Variants in OR4E2 observed in about 807,000 individuals in gnomAD.
The protein encoded by OR4E2 is olfactory receptor 4E2.
In OR4E2, 9 loss-of-function variants were observed where a neutral mutation model predicts 11.0. The observed-to-expected ratio is 0.82, with a 90% CI of 0.49 to 1.43. The LOEUF (loss-of-function observed/expected upper bound fraction) is 1.43, where lower values mean the gene tolerates loss of function less well. Ranked by LOEUF, OR4E2 falls within the 40% of genes most tolerant of loss-of-function variation. The pLI, the probability that OR4E2 is intolerant of heterozygous loss-of-function variation, is 0.00. For synonymous variants in OR4E2, 159 were observed against 147.3 expected (o/e 1.08, Z -0.57); for missense variants, 441 against 382.0 (o/e 1.15, Z -1.29).
chr14:21,657,390 CTTT>C (rs1293494441), intron 2 of OR4E2, among the ~76,000 whole-genome samples: 29 of 121,444 alleles, frequency 2.4e-4, no homozygotes, highest in African/African-American at 4.9e-4. Flanking sequence ...TCCTTCCTTT[CTTT>C]CTTCCTTCCT....
chr14:21,665,672 T>C lies in OR4E2; in HGVS notation c.590T>C (p.Ile197Thr), dbSNP rs372254597. Residue 197 changes from isoleucine (I) to threonine (T), a missense_variant, in exon 4 of 4, where the codon ATA (isoleucine) becomes ACA (threonine). By Grantham distance (89) the Ile-to-Thr change is moderately conservative. Transcript: ENST00000641524. ...TGCACAGATACATACCTCACAGGAA[T>C]ACTGATTGTGACCAATAGTGGAACC... The part of the protein sequence containing the change: ...LACTDTYLTG[I>T]LIVTNSGTIS... 1.9e-6 allele frequency: 3 copies of C among 1,614,044 alleles called. No homozygotes were observed. Among genetic ancestry groups the C allele is most frequent in the African/African-American group, 2.7e-5 (2 of 74,928 alleles).
Position 21,665,613 on chromosome 14 carries a change from C to G in OR4E2, c.531C>G (p.Tyr177Ter). 4.3e-6 allele frequency: 7 copies of G among 1,614,118 alleles called. No individual in the cohort carries two copies. The highest frequency in any genetic ancestry group is 5.9e-6 in the Non-Finnish European group (7 of 1,179,994). The change falls in exon 4 of 4, where the codon TAC becomes TAG. Residue 177 changes from tyrosine (Y) to a stop codon, truncating the protein, a stop_gained. Coordinates refer to ENST00000641524, the MANE Select transcript of OR4E2 (RefSeq NM_001001912.3). LOFTEE classifies it high-confidence loss of function. ...PYCGPNIIDS[Y>*]FCDVPLVIKL... The stretch of plus-strand genomic sequence containing the variant: ...GTGGCCCCAACATTATTGACAGCTA[C>G]TTCTGTGATGTGCCTCTTGTTATCA...
Position 21,665,998 on chromosome 14 carries a change from G to A in OR4E2, c.916G>A (p.Val306Ile), listed in dbSNP as rs1454178293. Residue 306 changes from valine to isoleucine, a missense_variant, in exon 4 of 4, where the codon GTT (valine) becomes ATT (isoleucine). Transcript: ENST00000641524. ...SAMKQLRQRQ[V>I]FFTKSYT ...CATGAAGCAGCTCAGGCAGAGACAA[G>A]TTTTTTTCACGAAATCATATACATA... The A allele has an allele frequency of 5.0e-6, 8 of 1,613,028 alleles. No homozygotes were observed. Among genetic ancestry groups the A allele is most frequent in the South Asian group, 1.1e-5 (1 of 90,980 alleles).
chr14:21,657,440 T>TC, intron 2 of OR4E2, among the ~76,000 whole-genome samples: 1 of 76,366 alleles, frequency 1.3e-5, no homozygotes, highest in Non-Finnish European at 2.6e-5. Context: ...TTCTTCTTTC[T>TC]TTCCTTCCTT....
rs1880706054 is a variant in OR4E2 at position 21,667,470 on chromosome 14, A to C, written c.*1446A>C. ...TTCATTAAACTGAGAGATGCTCATG[A>C]AAATATCTAAATATCATTACTTCAA... On this transcript the variant is annotated 3_prime_UTR_variant, in exon 4 of 4. Transcript: ENST00000641524. The C allele has an allele frequency of 6.6e-6, 1 of 152,222 alleles. No homozygotes were observed. The highest frequency in any genetic ancestry group is 1.5e-5 in the Non-Finnish European group (1 of 68,026). The allele number at this position is 152,222 out of a possible 1,614,324, so 9.4% of individuals were successfully genotyped here. A position where few individuals can be genotyped will look rare whatever the true frequency, so the allele number is the denominator to read the frequency against.
In OR4E2 at chr14:21,665,616, C is replaced by T; in HGVS notation, c.534C>T (p.Phe178=). Residue 178 remains phenylalanine (F), a synonymous_variant, in exon 4 of 4, where the codon TTC becomes TTT. Transcript: ENST00000641524. ...GCCCCAACATTATTGACAGCTACTT[C>T]TGTGATGTGCCTCTTGTTATCAAGC... The part of the protein sequence containing the change: ...YCGPNIIDSY[F]CDVPLVIKLA... The T allele has an allele frequency of 6.2e-7, 1 of 1,614,094 alleles. No homozygotes were observed. Among genetic ancestry groups the T allele is most frequent in the South Asian group, 1.1e-5 (1 of 91,062 alleles).
chr14:21,665,051 A>T (rs774529774), intron 3 of OR4E2, 24 bp from the exon 4 acceptor site: 2 of 1,216,980 alleles, frequency 1.6e-6, no homozygotes, highest in Non-Finnish European at 2.3e-6. Context: ...AAACTAAATT[A>T]GCTTTCATTT....
At chr14:21,660,411 A>C (rs1880253528) in intron 2 of OR4E2, among the ~76,000 whole-genome samples, 1 of 152,184 alleles carries the variant, frequency 6.6e-6, no homozygotes, top group Non-Finnish European at 1.5e-5. Flanking sequence ...CAGCCAGTGC[A>C]GTGGCCCCAG....
intron 1 of OR4E2, among the ~76,000 whole-genome samples, chr14:21,654,704 T>G (rs1000746335): frequency 1.3e-5 from 2 of 151,998 alleles, no homozygotes; most frequent in Non-Finnish European, 2.9e-5. Flanking sequence ...AAATCCGTGT[T>G]GTTCAAGAGT....
Position 21,655,136 on chromosome 14 carries a change from G to A in OR4E2, c.-191+1197G>A, listed in dbSNP as rs1879870994. On this transcript the variant is annotated intron_variant, in intron 1 of 3. Coordinates refer to ENST00000641524, the MANE Select transcript of OR4E2 (RefSeq NM_001001912.3). ...ATGACACAGAAAATTAACTATTATA[G>A]TAATTAAAGGGATAAAATTATTACC... Among the ~76,000 whole-genome samples, 3 of 152,264 alleles carry A rather than the reference G, an allele frequency of 2.0e-5. No individual in the cohort carries two copies. The South Asian group carries it at 6.2e-4, about 32-fold the overall frequency.
chr14:21,662,037 G>A (rs1594547648), intron 3 of OR4E2, among the ~76,000 whole-genome samples: 1 of 152,038 alleles, frequency 6.6e-6, no homozygotes, highest in African/African-American at 2.4e-5. Context: ...TTAATCCGAT[G>A]AATGACAAAA....
chr14:21,666,254 C>T lies in OR4E2; in HGVS notation c.*230C>T, dbSNP rs1331302093. ...TAGTGGAAGTTATAAGGAAAAATAA[C>T]GTGGGAAAGTTTAAAGACAGCTTTT... On this transcript the variant is annotated 3_prime_UTR_variant, in exon 4 of 4. Coordinates refer to ENST00000641524, the MANE Select transcript of OR4E2 (RefSeq NM_001001912.3). 9.7e-6 allele frequency: 4 copies of T among 410,762 alleles called. No individual in the cohort carries two copies. Among genetic ancestry groups the T allele is most frequent in the African/African-American group, 4.2e-5 (2 of 47,636 alleles). 25.4% of individuals were successfully genotyped at this position (410,762 alleles called of 1,614,324 possible).
At chr14:21,655,203 G>T (rs763189040) in intron 1 of OR4E2, among the ~76,000 whole-genome samples, 1 of 152,120 alleles carries the variant, frequency 6.6e-6, no homozygotes, top group African/African-American at 2.4e-5. Context: ...TCAAGTATAC[G>T]CAGAGTAATA....
intron 2 of OR4E2, among the ~76,000 whole-genome samples, chr14:21,657,461 TTCCTTC>T (rs2139799504): frequency 1.1e-5 from 1 of 89,328 alleles, no homozygotes; most frequent in Admixed American, 1.3e-4. Flanking sequence ...CCTTCCTTCC[TTCCTTC>T]CTTCCTTCCT....
intron 3 of OR4E2, among the ~76,000 whole-genome samples, chr14:21,663,100 A>G (rs895208856): frequency 6.6e-6 from 1 of 152,296 alleles, no homozygotes; most frequent in East Asian, 1.9e-4. Context: ...GGTTCAGTTC[A>G]AGTAAAAATT....
At chr14:21,665,037 A>G in intron 3 of OR4E2, 38 bp from the exon 4 acceptor site, 3 of 1,087,844 alleles carry the variant, frequency 2.8e-6, no homozygotes, top group Non-Finnish European at 4.0e-6. Context: ...TTCCTATAAT[A>G]ATAAAACTAA....
At chr14:21,654,400 ATG>A (rs1879813280) in intron 1 of OR4E2, among the ~76,000 whole-genome samples, 5 of 126,888 alleles carry the variant, frequency 3.9e-5, no homozygotes, top group Admixed American at 7.6e-5. Flanking sequence ...ACACACACGC[ATG>A]CACACACACA....
rs1045067303 is a variant in OR4E2 at position 21,667,229 on chromosome 14, A to G, written c.*1205A>G. The G allele has an allele frequency of 1.3e-5, 2 of 152,188 alleles. No homozygotes were observed. The highest frequency in any genetic ancestry group is 4.8e-5 in the African/African-American group (2 of 41,444). The allele number at this position is 152,188 out of a possible 1,614,324, so 9.4% of individuals were successfully genotyped here. Reference sequence around the variant, plus strand: ...TCTTTGCTTATTCTGAAAAAAATTTATAATTGATTGGGGTCTTTGTCACTA... The same window carrying G: ...TCTTTGCTTATTCTGAAAAAAATTTGTAATTGATTGGGGTCTTTGTCACTA... On this transcript the variant is annotated 3_prime_UTR_variant, in exon 4 of 4. Coordinates refer to ENST00000641524, the MANE Select transcript of OR4E2 (RefSeq NM_001001912.3).
intron 2 of OR4E2, among the ~76,000 whole-genome samples, chr14:21,657,498 TCCTTCC>T (rs1880064964): frequency 8.1e-6 from 1 of 123,966 alleles, no homozygotes; most frequent in African/African-American, 3.0e-5. Flanking sequence ...CTTCCTTCCT[TCCTTCC>T]TTCTTTCTTT....
Sources: allele counts gnomAD v4.1 joint callset (sites outside exome capture counted in the v4.1 genomes callset), GRCh38; gene constraint gnomAD v4.1.1; transcripts MANE v1.5; gene names NCBI Gene and HGNC (gene_info 2026-07-23, HGNC 2026-07-21).